Variants in TENM1 observed in about 807,000 individuals in gnomAD.
The protein encoded by TENM1 is teneurin transmembrane protein 1.
In TENM1, 35 loss-of-function variants were observed where a neutral mutation model predicts 174.8. The observed-to-expected ratio is 0.20, with a 90% CI of 0.15 to 0.27. TENM1 has a LOEUF of 0.27. TENM1 is among the 10% of genes least tolerant of loss of function. TENM1 has a pLI of 1.00. For synonymous variants in TENM1, 781 were observed against 798.7 expected, an observed-to-expected ratio of 0.98 and a Z score of 0.37; for missense variants, 1,633 against 2,130.1, an observed-to-expected ratio of 0.77 and a Z score of 4.59.
the TENM1 span, among the ~76,000 whole-genome samples, chrX:125,137,896 T>C: frequency 9.8e-5 from 11 of 112,033 alleles, no homozygotes; most frequent in African/African-American, 3.6e-4. Flanking sequence ...TATTAAGGTG[T>C]GTTTAATTAA....
At chrX:125,010,001 C>G in the TENM1 span, among the ~76,000 whole-genome samples, 1 of 111,483 alleles carries the variant, frequency 9.0e-6, no homozygotes. Flanking sequence ...TGCACCAGTC[C>G]TATTCAACAC....
At chrX:125,158,604 A>G in the TENM1 span, among the ~76,000 whole-genome samples, 6 of 109,980 alleles carry the variant, frequency 5.5e-5, no homozygotes, top group Non-Finnish European at 1.1e-4. Flanking sequence ...ATGTCCCTCA[A>G]AGTAATTTTT....
rs747364886 is a variant in TENM1, at chrX:124,527,300, C to T, written c.2771+2564G>A. On this transcript the variant is annotated intron_variant, in intron 16 of 31. Coordinates refer to ENST00000422452, the Ensembl canonical transcript of TENM1. ...AAAGGGCTCAGTCTTTCAACACCAT[C>T]CTTCCTTCTGCTTTGAATAAATTAC... 2.1e-4 allele frequency among the ~76,000 whole-genome samples: 23 copies of T among 112,054 alleles called. No homozygotes were observed. In the East Asian group the frequency reaches 3.7e-3, roughly 18 times the overall value.
intron 12 of TENM1, among the ~76,000 whole-genome samples, chrX:124,564,108 G>A (rs1439766156): frequency 8.9e-6 from 1 of 111,907 alleles, no homozygotes; most frequent in Non-Finnish European, 1.9e-5. Context: ...AATATCTTTA[G>A]AAGAGAGTTC....
chrX:124,536,319 T>G (rs983656580), intron 15 of TENM1, among the ~76,000 whole-genome samples: 1 of 111,322 alleles, frequency 9.0e-6, no homozygotes, highest in Non-Finnish European at 1.9e-5. Flanking sequence ...TAGTTTTTAT[T>G]TTAATATGGT....
chrX:125,182,283 T>C, the TENM1 span, among the ~76,000 whole-genome samples: 2 of 110,555 alleles, frequency 1.8e-5, no homozygotes, highest in African/African-American at 6.6e-5. Flanking sequence ...TTAAAGATGC[T>C]TGTAGTTACA....
intron 3 of TENM1, among the ~76,000 whole-genome samples, chrX:124,878,213 G>A (rs993253313): frequency 3.6e-5 from 4 of 111,363 alleles, no homozygotes; most frequent in Non-Finnish European, 7.5e-5. Context: ...TGATCAGCTT[G>A]TTTTATTTCA....
At chrX:125,091,806 T>C in the TENM1 span, among the ~76,000 whole-genome samples, 2 of 108,052 alleles carry the variant, frequency 1.9e-5, no homozygotes, top group African/African-American at 6.8e-5. Flanking sequence ...GCCAACATAG[T>C]GAAACCCCGT....
chrX:124,478,426 A>C (rs2046779392), intron 22 of TENM1, among the ~76,000 whole-genome samples: 1 of 112,649 alleles, frequency 8.9e-6, no homozygotes, highest in African/African-American at 3.2e-5. Context: ...ACTGGTTTTT[A>C]ACTCCATTGG....
At chrX:124,553,071 A>T (rs1329063787) in intron 14 of TENM1, among the ~76,000 whole-genome samples, 1 of 111,674 alleles carries the variant, frequency 9.0e-6, no homozygotes, top group Non-Finnish European at 1.9e-5. Context: ...TAATAATCTC[A>T]TCATGAAAGA....
intron 3 of TENM1, among the ~76,000 whole-genome samples, chrX:124,879,119 G>A (rs751776714): frequency 1.2e-4 from 13 of 112,109 alleles, no homozygotes; most frequent in African/African-American, 1.9e-4. Context: ...TCATTTCTAT[G>A]TGTTGGGAAC....
intron 5 of TENM1, among the ~76,000 whole-genome samples, chrX:124,700,694 A>G (rs1191626806): frequency 9.0e-6 from 1 of 111,335 alleles, no homozygotes; most frequent in Non-Finnish European, 1.9e-5. Flanking sequence ...CTCCATTTCT[A>G]TCCTCTCTGT....
At chrX:124,700,806 C>T (rs746259747) in intron 5 of TENM1, among the ~76,000 whole-genome samples, 8 of 111,274 alleles carry the variant, frequency 7.2e-5, no homozygotes, top group African/African-American at 1.3e-4. Flanking sequence ...CTTTTTGAGG[C>T]GGACAAAATG....
intron 3 of TENM1, among the ~76,000 whole-genome samples, chrX:124,745,841 G>A (rs904513344): frequency 3.9e-5 from 4 of 101,272 alleles, no homozygotes; most frequent in Non-Finnish European, 3.8e-5. Flanking sequence ...CAAATATGTC[G>A]GGGCCAAAAC....
the TENM1 span, among the ~76,000 whole-genome samples, chrX:125,080,923 C>A: frequency 9.0e-6 from 1 of 111,197 alleles, no homozygotes; most frequent in African/African-American, 3.3e-5. Flanking sequence ...ACCCTGGACA[C>A]TCATTTTCTC....
chrX:124,648,389 A>T (rs945596112), intron 8 of TENM1, among the ~76,000 whole-genome samples: 7 of 112,325 alleles, frequency 6.2e-5, no homozygotes, highest in African/African-American at 1.9e-4. Flanking sequence ...CACTATGTGA[A>T]CACATGCCTT....
Position 124,397,064 on chromosome X carries a change from T to C in TENM1, c.5392-4716A>G, listed in dbSNP as rs762919574. 5.4e-5 allele frequency among the ~76,000 whole-genome samples: 6 copies of C among 110,877 alleles called. No individual in the cohort carries two copies. In the South Asian group the frequency reaches 2.3e-3, roughly 43 times the overall value. On this transcript the variant is annotated intron_variant, in intron 27 of 31. Transcript: ENST00000422452. ...TTTCAGCTATACTAGGAGACAGGCCTGATTGTTGTTCATACTAGGACCAGA... is the reference window on the plus strand; with the variant it reads ...TTTCAGCTATACTAGGAGACAGGCCCGATTGTTGTTCATACTAGGACCAGA...
the TENM1 span, among the ~76,000 whole-genome samples, chrX:125,173,476 G>A: frequency 9.0e-6 from 1 of 110,815 alleles, no homozygotes; most frequent in African/African-American, 3.3e-5. Context: ...TACTACTAGT[G>A]CTAAGTATAG....
Position 124,565,230 on chromosome X carries a change from CAAAACTTT to C in TENM1, c.2263+137_2263+144del. The C allele has an allele frequency of 1.1e-5, 4 of 370,118 alleles. No homozygotes were observed. In the South Asian group the frequency reaches 3.1e-4, roughly 29 times the overall value. 30.5% of individuals were successfully genotyped at this position (370,118 alleles called of 1,213,427 possible). A position where few individuals can be genotyped will look rare whatever the true frequency, so the allele number is the denominator to read the frequency against. ...ACAAAAGAAGAAACCTACCAGTTCA[CAAAACTTT>C]AAAACTTGTAACCAACCCTCCTTCT... On this transcript the variant is annotated intron_variant, in intron 12 of 31. Transcript: ENST00000422452.
Sources: gnomAD v4.1 joint callset for allele counts (sites outside exome capture counted in the v4.1 genomes callset) on GRCh38, gnomAD v4.1.1 for gene constraint, MANE v1.5 for transcripts, NCBI Gene and HGNC (gene_info 2026-07-23, HGNC 2026-07-21) for gene names.